GABRA5: variants seen among roughly 807,000 people sequenced by gnomAD.
GABRA5 encodes gamma-aminobutyric acid type A receptor subunit alpha5.
GABRA5 carries 18 observed loss-of-function variants against 47.3 expected under a neutral mutation model. The ratio of observed to expected loss-of-function variants is 0.38; its 90% CI spans 0.26 to 0.56. GABRA5 has a LOEUF of 0.56. Ranked by LOEUF, GABRA5 falls within the 20% of genes least tolerant of loss-of-function variation. GABRA5 has a pLI of 0.71. For synonymous variants in GABRA5, 237 were observed against 229.3 expected, an observed-to-expected ratio of 1.03 and a Z score of -0.30; for missense variants, 365 against 599.3, an observed-to-expected ratio of 0.61 and a Z score of 4.08.
At chr15:26,887,922 A>C (rs1892917797) in intron 6 of GABRA5, among the ~76,000 whole-genome samples, 1 of 152,170 alleles carries the variant, frequency 6.6e-6, no homozygotes, top group African/African-American at 2.4e-5. Flanking sequence ...AACATTCAAA[A>C]CCCTCTCTTC....
intron 3 of GABRA5, among the ~76,000 whole-genome samples, chr15:26,874,541 G>C (rs1052811087): frequency 2.0e-5 from 3 of 152,100 alleles, no homozygotes; most frequent in Non-Finnish European, 4.4e-5. Flanking sequence ...GAAGGAATGG[G>C]GGGAGGACTA....
chr15:26,910,685 G>A (rs190537680), intron 6 of GABRA5, among the ~76,000 whole-genome samples: 4 of 152,196 alleles, frequency 2.6e-5, no homozygotes, highest in Admixed American at 2.6e-4. Flanking sequence ...GTGAATGCTT[G>A]AATGTCTTAA....
At chr15:26,917,533 C>A (rs1262655811) in intron 7 of GABRA5, among the ~76,000 whole-genome samples, 4 of 151,970 alleles carry the variant, frequency 2.6e-5, no homozygotes, top group Non-Finnish European at 5.9e-5. Context: ...GTTTTCTTTT[C>A]TTGGAATATT....
intron 6 of GABRA5, among the ~76,000 whole-genome samples, chr15:26,900,577 CA>C (rs1299260292): frequency 6.6e-6 from 1 of 152,072 alleles, no homozygotes; most frequent in African/African-American, 2.4e-5. Context: ...GGTTTACAGA[CA>C]AATTAAGAGT....
chr15:26,899,424 T>C (rs1893273494), intron 6 of GABRA5, among the ~76,000 whole-genome samples: 1 of 152,204 alleles, frequency 6.6e-6, no homozygotes, highest in South Asian at 2.1e-4. Flanking sequence ...TTTTGTTGGA[T>C]AGAGTGTTCT....
intron 3 of GABRA5, among the ~76,000 whole-genome samples, chr15:26,879,024 T>C (rs1892662886): frequency 6.6e-6 from 1 of 152,218 alleles, no homozygotes; most frequent in Non-Finnish European, 1.5e-5. Context: ...GTCAAGCCCT[T>C]GTCTCTGGAC....
chr15:26,937,597 C>A (rs1321825292), intron 8 of GABRA5, among the ~76,000 whole-genome samples: 3 of 152,294 alleles, frequency 2.0e-5, no homozygotes, highest in Admixed American at 6.5e-5. Flanking sequence ...TTATATAACA[C>A]CCCCCTAAGC....
intron 7 of GABRA5, among the ~76,000 whole-genome samples, chr15:26,921,781 A>G (rs1222396479): frequency 6.6e-6 from 1 of 152,068 alleles, no homozygotes; most frequent in African/African-American, 2.4e-5. Flanking sequence ...TCAAATTTTT[A>G]GTCATTGTAT....
chr15:26,915,017 T>C (rs1439337157), intron 7 of GABRA5, 132 bp downstream of exon 7: 3 of 735,956 alleles, frequency 4.1e-6, no homozygotes, highest in Non-Finnish European at 4.7e-6. Flanking sequence ...GCGTGGAGAG[T>C]GTATTGTTCT....
intron 7 of GABRA5, among the ~76,000 whole-genome samples, chr15:26,924,783 C>G (rs981941268): frequency 6.6e-6 from 1 of 152,134 alleles, no homozygotes; most frequent in Non-Finnish European, 1.5e-5. Context: ...AGGTTGCACC[C>G]TTTCTGGTCC....
intron 3 of GABRA5, 43 bp downstream of exon 3, chr15:26,869,377 C>G (rs1892406947): frequency 8.3e-7 from 1 of 1,201,330 alleles, no homozygotes; most frequent in Non-Finnish European, 1.2e-6. Flanking sequence ...GTTAGGGACA[C>G]TGGTGCCTTT....
chr15:26,889,947 G>C (rs530104288), intron 6 of GABRA5, among the ~76,000 whole-genome samples: 1 of 152,230 alleles, frequency 6.6e-6, no homozygotes, highest in Non-Finnish European at 1.5e-5. Context: ...TTTTTGAGTG[G>C]CCTCATTCAC....
At chr15:26,939,531 G>A (rs1472899347) in intron 8 of GABRA5, 1 of 667,802 alleles carries the variant, frequency 1.5e-6, no homozygotes, top group Non-Finnish European at 2.7e-6. Flanking sequence ...GAAACAGGAA[G>A]GACTCTGTCC....
chr15:26,937,433 G>T, intron 8 of GABRA5, 105 bp downstream of exon 8: 1 of 1,207,452 alleles, frequency 8.3e-7, no homozygotes, highest in Admixed American at 2.9e-5. Context: ...GTGGGAGGCC[G>T]CACAGCAGCC....
chr15:26,904,001 T>G (rs1240212070), intron 6 of GABRA5, among the ~76,000 whole-genome samples: 1 of 152,174 alleles, frequency 6.6e-6, no homozygotes, highest in African/African-American at 2.4e-5. Flanking sequence ...TGCTTTTTGT[T>G]GCAGTTGCTT....
At chr15:26,904,119 A>G (rs1171061853) in intron 6 of GABRA5, among the ~76,000 whole-genome samples, 1 of 152,132 alleles carries the variant, frequency 6.6e-6, no homozygotes. Flanking sequence ...TAAGTATTTA[A>G]TCCATCTTTA....
In GABRA5 at chr15:26,883,435, C is replaced by T. The variant is rs1324723679; in HGVS notation, c.375C>T (p.Ala125=). ...MQRLPLNNLL[A]SKIWTPDTFF... Reference sequence around the variant, plus strand: ...GCCTCCCTCTCAACAACCTCCTTGCCAGCAAGATCTGGACCCCAGACACGT... The same window carrying T: ...GCCTCCCTCTCAACAACCTCCTTGCTAGCAAGATCTGGACCCCAGACACGT... The change falls in exon 6 of 11, where the codon GCC becomes GCT. Residue 125 remains alanine (A), a synonymous_variant. Coordinates refer to ENST00000335625, the MANE Select transcript of GABRA5 (RefSeq NM_000810.4). This position sits in a 1 kb window ranked among gnomAD's most constrained non-coding sequence, Gnocchi z 4.8. 1 of 1,614,192 alleles carries T rather than the reference C, an allele frequency of 6.2e-7. No homozygotes were observed.
chr15:26,936,750 A>G (rs1894252898), intron 7 of GABRA5, among the ~76,000 whole-genome samples: 1 of 152,100 alleles, frequency 6.6e-6, no homozygotes, highest in African/African-American at 2.4e-5. Flanking sequence ...TGTGCTTGTA[A>G]ATCTCGATGT....
At chr15:26,905,302 A>G (rs1041447807) in intron 6 of GABRA5, among the ~76,000 whole-genome samples, 2 of 151,440 alleles carry the variant, frequency 1.3e-5, no homozygotes, top group Non-Finnish European at 2.9e-5. Context: ...CTTTCAGCAC[A>G]TTTAGTATTT....
Sources: gnomAD v4.1 joint callset for allele counts (sites outside exome capture counted in the v4.1 genomes callset) on GRCh38, gnomAD v4.1.1 for gene constraint, Gnocchi (gnomAD v3.1) non-coding constraint, MANE v1.5 for transcripts, NCBI Gene and HGNC (gene_info 2026-07-23, HGNC 2026-07-21) for gene names.